The following UFD1 variants were observed in gnomAD, a reference collection of about 807,000 sequenced individuals.
The protein encoded by UFD1 is ubiquitin recognition factor in ER associated degradation 1, also known as ubiquitin recognition factor in ER-associated degradation protein 1.
In UFD1, 13 loss-of-function variants were observed where a neutral mutation model predicts 45.9. The observed-to-expected ratio is 0.28, with a 90% CI of 0.18 to 0.45. The LOEUF (loss-of-function observed/expected upper bound fraction) is 0.45. Among genes scored for constraint, UFD1 ranks in the 20% least tolerant of loss-of-function variants. The pLI, the probability that UFD1 is intolerant of heterozygous loss-of-function variation, is 1.00. For synonymous variants in UFD1, 128 were observed against 139.2 expected (o/e 0.92, Z 0.56); for missense variants, 218 against 389.2 (o/e 0.56, Z 3.70).
At chr22:19,458,727 G>T (rs1330177223) in intron 6 of UFD1, among the ~76,000 whole-genome samples, 1 of 152,188 alleles carries the variant, frequency 6.6e-6, no homozygotes, top group African/African-American at 2.4e-5. Flanking sequence ...ACAGACATAA[G>T]CCACCGCACT....
intron 11 of UFD1, 140 bp from the exon 12 acceptor site, chr22:19,450,884 C>G: frequency 6.0e-6 from 9 of 1,507,148 alleles, no homozygotes; most frequent in Non-Finnish European, 8.0e-6. Context: ...ACCTGTAATC[C>G]CAGCACTTTA....
At position 19,471,806 on chromosome 22, in the gene UFD1, G is replaced by A; in HGVS notation, c.172C>T (p.Arg58Ter). 3.7e-6 allele frequency: 6 copies of A among 1,613,156 alleles called. No homozygotes were observed. The highest frequency in any genetic ancestry group is 2.2e-5 in the East Asian group (1 of 44,856). ...AGCATGGGATAGGTAATGTTAAGTC[G>A]GCCTGAAAATAAGAGAGAGACTATG... The part of the protein sequence containing the change: ...MPPSALDQLS[R>*]LNITYPMLFK... The change falls in exon 4 of 12, where the codon CGA becomes TGA. Residue 58 changes from arginine to a stop codon, truncating the protein, a stop_gained and splice_region_variant. Transcript: ENST00000263202. LOFTEE classifies it high-confidence loss of function.
At chr22:19,477,744 T>C (rs1477002149) in intron 1 of UFD1, among the ~76,000 whole-genome samples, 1 of 152,104 alleles carries the variant, frequency 6.6e-6, no homozygotes, top group Admixed American at 6.5e-5. Flanking sequence ...TCCAAATATA[T>C]ATTTAGTAGA....
In UFD1 at chr22:19,458,071, G is replaced by A. The variant is rs183456789; in HGVS notation, c.564C>T (p.Asn188=). ...KAVSIIECDM[N]VDFDAPLGYK... The stretch of plus-strand genomic sequence containing the variant: ...ACTGTAACTGGACAGAGCCACTCAC[G>A]TTCATGTCACACTCAATGATGGACA... Residue 188 remains asparagine, a splice_region_variant and synonymous_variant, in exon 7 of 12, where the codon AAC becomes AAT. Coordinates refer to ENST00000263202, the MANE Select transcript of UFD1 (RefSeq NM_005659.7). 19 of 1,614,084 alleles carry A rather than the reference G, an allele frequency of 1.2e-5. No individual in the cohort carries two copies. Among genetic ancestry groups the A allele is most frequent in the South Asian group, 5.5e-5 (5 of 91,088 alleles).
In UFD1 at chr22:19,450,730, G is replaced by C; in HGVS notation, c.864C>G (p.Gly288=). 3 of 1,614,152 alleles carry C rather than the reference G, an allele frequency of 1.9e-6. No homozygotes were observed. The highest frequency in any genetic ancestry group is 2.5e-6 in the Non-Finnish European group (3 of 1,180,020). Residue 288 remains glycine, a synonymous_variant, in exon 12 of 12, where the codon GGC becomes GGG. Transcript: ENST00000263202. ...VKKVEEDEAG[G]RFVAFSGEGQ... Reference sequence around the variant, plus strand: ...CTTCTCCAGAGAAAGCGACGAATCTGCCTCCAGCTTCATCCTAGGTTTGAA... The same window carrying C: ...CTTCTCCAGAGAAAGCGACGAATCTCCCTCCAGCTTCATCCTAGGTTTGAA...
intron 10 of UFD1, 144 bp downstream of exon 10, chr22:19,455,536 A>G: frequency 4.1e-6 from 3 of 724,918 alleles, no homozygotes; most frequent in Non-Finnish European, 7.1e-6. Context: ...GCTCCACCCC[A>G]CCAAGGAGAG....
chr22:19,478,842 A>G, intron 1 of UFD1: 1 of 538,686 alleles, frequency 1.9e-6, no homozygotes, highest in East Asian at 3.4e-5. Context: ...TCTTTCGTCA[A>G]GGAGGGCAAG....
At chr22:19,471,472 A>C (rs1005596124) in intron 4 of UFD1, 1 of 783,198 alleles carries the variant, frequency 1.3e-6, no homozygotes, top group South Asian at 1.4e-5. Context: ...CCACTCCCAC[A>C]GCACAGTGGC....
rs2089673441 is a variant in UFD1 at position 19,450,633 on chromosome 22, T to C, written c.*37A>G. 1 of 1,612,780 alleles carries C rather than the reference T, an allele frequency of 6.2e-7. No homozygotes were observed. Among genetic ancestry groups the C allele is most frequent in the Non-Finnish European group, 8.5e-7 (1 of 1,179,102 alleles). ...CTAAAAGCCAAGATGTTGCAAATGA[T>C]TCTTTTATTATTTTCCAATCAGCCA... On this transcript the variant is annotated 3_prime_UTR_variant, in exon 12 of 12. Transcript: ENST00000263202.
At chr22:19,470,963 A>G (rs950812665) in intron 4 of UFD1, among the ~76,000 whole-genome samples, 1 of 152,204 alleles carries the variant, frequency 6.6e-6, no homozygotes, top group South Asian at 2.1e-4. Flanking sequence ...GAGAAGGACA[A>G]GCAGGTCCCT....
At chr22:19,461,858 A>G (rs756177736) in intron 6 of UFD1, among the ~76,000 whole-genome samples, 16 of 151,802 alleles carry the variant, frequency 1.1e-4, no homozygotes, top group Non-Finnish European at 2.1e-4. Context: ...ACTTTTCTCT[A>G]GGAAATAATT....
chr22:19,471,879 TAGA>T (rs1208881715), intron 3 of UFD1, 71 bp from the exon 4 acceptor site: 3 of 1,553,434 alleles, frequency 1.9e-6, no homozygotes, highest in Non-Finnish European at 2.6e-6. Context: ...CGCCTTCCCA[TAGA>T]AGGAGCCTCC....
intron 3 of UFD1, among the ~76,000 whole-genome samples, chr22:19,472,945 G>A (rs73160301): frequency 0.047 from 7,093 of 152,284 alleles, 218 homozygotes; most frequent in Middle Eastern, 0.15. Context: ...AGGAAGTAAC[G>A]CAGATTCCAT....
Sources: allele counts gnomAD v4.1 joint callset (sites outside exome capture counted in the v4.1 genomes callset), GRCh38; gene constraint gnomAD v4.1.1; transcripts MANE v1.5; gene names NCBI Gene and HGNC (gene_info 2026-07-23, HGNC 2026-07-21).